Variants in RHOA observed in about 807,000 individuals in gnomAD.
RHOA encodes transforming protein RhoA.
RHOA carries 3 observed loss-of-function variants against 17.5 expected under a neutral mutation model. That is an observed-to-expected ratio of 0.17 (90% CI 0.08 to 0.44). RHOA has a LOEUF of 0.44. RHOA is among the 20% of genes least tolerant of loss of function. The pLI, the probability that RHOA is intolerant of heterozygous loss-of-function variation, is 0.99. For missense variants in RHOA, 56 were observed against 242.3 expected (o/e 0.23, Z 5.10); for synonymous variants, 98 against 88.4 (o/e 1.11, Z -0.61).
At chr3:49,399,319 G>T (rs932432255) in intron 1 of RHOA, among the ~76,000 whole-genome samples, 1 of 150,826 alleles carries the variant, frequency 6.6e-6, no homozygotes, top group African/African-American at 2.4e-5. Flanking sequence ...GCAGTGAGCC[G>T]AGATCGCACC....
intron 2 of RHOA, among the ~76,000 whole-genome samples, chr3:49,369,006 CTTTTTTTTTTTTTTTTTTT>C (rs1160140765): frequency 6.7e-5 from 4 of 59,706 alleles, no homozygotes; most frequent in African/African-American, 1.5e-4. Context: ...CGCGCCTGGC[CTTTTTTTTTTTTTTTTTTT>C]TTTTTTTTTT....
At chr3:49,395,947 G>A (rs575639219) in intron 1 of RHOA, among the ~76,000 whole-genome samples, 68 of 152,208 alleles carry the variant, frequency 4.5e-4, no homozygotes, top group South Asian at 3.5e-3. Context: ...TGTTATTACA[G>A]GTAAAAACAG....
chr3:49,378,180 A>AG (rs955119686), intron 1 of RHOA, among the ~76,000 whole-genome samples: 2 of 150,264 alleles, frequency 1.3e-5, no homozygotes, highest in African/African-American at 4.9e-5. Flanking sequence ...TAAAAAAAAA[A>AG]AAAAAAAAAA....
At chr3:49,372,788 G>T (rs1055198389) in intron 2 of RHOA, among the ~76,000 whole-genome samples, 2 of 151,414 alleles carry the variant, frequency 1.3e-5, no homozygotes, top group Non-Finnish European at 2.9e-5. Flanking sequence ...TTTGAACATG[G>T]CAGTATTCAT....
At chr3:49,365,818 T>C (rs1032054157) in intron 3 of RHOA, among the ~76,000 whole-genome samples, 4 of 151,964 alleles carry the variant, frequency 2.6e-5, no homozygotes, top group African/African-American at 4.8e-5. Context: ...CTCGAACTCC[T>C]GACCTCAGGT....
intron 1 of RHOA, among the ~76,000 whole-genome samples, chr3:49,378,337 C>T (rs1264088429): frequency 2.0e-5 from 3 of 149,446 alleles, no homozygotes; most frequent in Middle Eastern, 3.4e-3. Context: ...ATCTCCACCT[C>T]CGAGGCTCAA....
At chr3:49,387,792 TATG>T (rs1168841225) in intron 1 of RHOA, among the ~76,000 whole-genome samples, 1 of 152,114 alleles carries the variant, frequency 6.6e-6, no homozygotes, top group East Asian at 1.9e-4. Context: ...TCTATGCTTT[TATG>T]ATGTTTTTGC....
intron 1 of RHOA, among the ~76,000 whole-genome samples, chr3:49,411,222 G>T (rs751752835): frequency 2.0e-5 from 3 of 151,788 alleles, no homozygotes; most frequent in Non-Finnish European, 2.9e-5. Flanking sequence ...GTTCGGGCGC[G>T]TTCCAGGTGG....
intron 1 of RHOA, among the ~76,000 whole-genome samples, chr3:49,408,823 C>A (rs1233461533): frequency 6.7e-6 from 1 of 150,236 alleles, no homozygotes; most frequent in Non-Finnish European, 1.5e-5. Flanking sequence ...GACGGAGTCT[C>A]GCTCTGTTGC....
At chr3:49,406,002 C>T (rs1439153977) in intron 1 of RHOA, among the ~76,000 whole-genome samples, 1 of 152,088 alleles carries the variant, frequency 6.6e-6, no homozygotes, top group Non-Finnish European at 1.5e-5. Context: ...TGTTTCTGAA[C>T]TTAAGATCTT....
At chr3:49,371,423 G>C (rs1029591012) in intron 2 of RHOA, among the ~76,000 whole-genome samples, 2 of 151,814 alleles carry the variant, frequency 1.3e-5, no homozygotes, top group African/African-American at 4.8e-5. Context: ...GGGATTACAA[G>C]TGCCTGCCAC....
chr3:49,387,821 ATGTG>A (rs1266156750), intron 1 of RHOA, among the ~76,000 whole-genome samples: 2 of 151,878 alleles, frequency 1.3e-5, no homozygotes, highest in Admixed American at 1.3e-4. Flanking sequence ...TTTCTTTTAG[ATGTG>A]TGTATCTTTT....
At chr3:49,404,459 A>C (rs868800839) in intron 1 of RHOA, among the ~76,000 whole-genome samples, 1 of 3,038 alleles carries the variant, frequency 3.3e-4, no homozygotes, top group East Asian at 0.056. Flanking sequence ...CACACACACA[A>C]AATTAGCCGG....
intron 1 of RHOA, among the ~76,000 whole-genome samples, chr3:49,408,165 GAAA>G (rs11322363): frequency 5.9e-4 from 86 of 146,210 alleles, no homozygotes; most frequent in African/African-American, 1.2e-3. Context: ...TCTCAAAAGA[GAAA>G]AAAAAAAAAA....
intron 1 of RHOA, among the ~76,000 whole-genome samples, chr3:49,411,053 AG>A (rs1381018643): frequency 1.3e-5 from 2 of 152,240 alleles, no homozygotes; most frequent in African/African-American, 4.8e-5. Flanking sequence ...ACAGATATTT[AG>A]ATCATTCCTA....
chr3:49,382,113 A>G (rs1344440931), intron 1 of RHOA, among the ~76,000 whole-genome samples: 4 of 151,628 alleles, frequency 2.6e-5, no homozygotes, highest in Non-Finnish European at 5.9e-5. Flanking sequence ...AGGTAAGGAG[A>G]TCGAGACCAT....
rs983246724 is a variant in RHOA at position 49,368,699 on chromosome 3, T to A, written c.157-151A>T. The A allele has an allele frequency of 1.3e-5, 10 of 771,802 alleles. No homozygotes were observed. In the African/African-American group the frequency reaches 2.0e-4, roughly 15 times the overall value. 47.8% of individuals were successfully genotyped at this position (771,802 alleles called of 1,614,324 possible). On this transcript the variant is annotated intron_variant, in intron 2 of 4. Transcript: ENST00000418115. ...AAAACACAGGAGTATTTACATTTTT[T>A]CTTTTTTCTTTTTTTTTTTTTTTTT...
intron 1 of RHOA, among the ~76,000 whole-genome samples, chr3:49,379,200 G>A (rs558845797): frequency 4.6e-5 from 7 of 152,194 alleles, no homozygotes; most frequent in Admixed American, 6.6e-5. Flanking sequence ...ATTATTCAGC[G>A]ATAAAGGATA....
chr3:49,369,743 T>TA lies in RHOA; in HGVS notation c.157-1196dup, dbSNP rs879683347. Among the ~76,000 whole-genome samples the TA allele has an allele frequency of 6.2e-3, 763 of 122,964 alleles. 2 individuals carry two copies. Among genetic ancestry groups the TA allele is most frequent in the South Asian group, 0.014 (55 of 3,926 alleles). 80.7% of individuals were successfully genotyped at this position (122,964 alleles called of 152,430 possible). On this transcript the variant is annotated intron_variant, in intron 2 of 4. Coordinates refer to ENST00000418115, the MANE Select transcript of RHOA (RefSeq NM_001664.4). ...GGGCGACAAAGCGAGCCTCCATCTC[T>TA]AAAAAAAAAAAAAATAAATAAAATA...
Sources: allele counts gnomAD v4.1 joint callset (sites outside exome capture counted in the v4.1 genomes callset), GRCh38; gene constraint gnomAD v4.1.1; transcripts MANE v1.5; gene names NCBI Gene and HGNC (gene_info 2026-07-23, HGNC 2026-07-21).